CSMD1: variants seen among roughly 807,000 people sequenced by gnomAD.
CSMD1 encodes CUB and sushi domain-containing protein 1.
A neutral mutation model predicts 417.5 loss-of-function variants in CSMD1; 213 were observed. That is an observed-to-expected ratio of 0.51 (90% CI 0.46 to 0.57). The LOEUF (loss-of-function observed/expected upper bound fraction) is 0.57. CSMD1 is among the 20% of genes least tolerant of loss of function. CSMD1 has a pLI of 0.00. For missense variants in CSMD1, 6,923 were observed against 4,529.7 expected (o/e 1.53, Z -15.17); for synonymous variants, 2,862 against 1,736.8 (o/e 1.65, Z -16.11).
At chr8:4,556,494 G>A (rs556901652) in intron 2 of CSMD1, among the ~76,000 whole-genome samples, 3 of 152,196 alleles carry the variant, frequency 2.0e-5, no homozygotes, top group Admixed American at 1.3e-4. Context: ...AAAGTCTCGA[G>A]CAGCACCCCG....
In CSMD1 at chr8:3,997,754, C is replaced by G. The variant is rs151174355; in HGVS notation, c.818+149G>C. On this transcript the variant is annotated intron_variant, in intron 5 of 69. Transcript: ENST00000635120. Reference sequence around the variant, plus strand: ...TTGAAATTACTCACAGTAAAGGTAACTTTTCCAGAGCCAAAAGAGCAAGGC... The same window carrying G: ...TTGAAATTACTCACAGTAAAGGTAAGTTTTCCAGAGCCAAAAGAGCAAGGC... 4.0e-3 allele frequency: 2,743 copies of G among 687,250 alleles called. 11 individuals carry two copies. Among genetic ancestry groups the G allele is most frequent in the Middle Eastern group, 9.3e-3 (24 of 2,568 alleles). 42.6% of individuals were successfully genotyped at this position (687,250 alleles called of 1,614,324 possible).
Position 2,963,370 on chromosome 8 carries a change from C to G in CSMD1, c.9306G>C (p.Pro3102=), listed in dbSNP as rs762731393. The G allele has an allele frequency of 1.2e-6, 2 of 1,613,896 alleles. No individual in the cohort carries two copies. The highest frequency in any genetic ancestry group is 1.3e-5 in the African/African-American group (1 of 75,034). Reference sequence around the variant, plus strand: ...TTCCCTCCACTGTTCCATTCTGCACCGGCGGCGGCTGAGGACACAGCACGG... The same window carrying G: ...TTCCCTCCACTGTTCCATTCTGCACGGGCGGCGGCTGAGGACACAGCACGG... The part of the protein sequence containing the change: ...CKAVLCPQPP[P]VQNGTVEGSD... The change falls in exon 60 of 70, where the codon CCG becomes CCC. Residue 3102 remains proline (P), a synonymous_variant. Coordinates refer to ENST00000635120, the MANE Select transcript of CSMD1 (RefSeq NM_033225.6).
intron 18 of CSMD1, among the ~76,000 whole-genome samples, chr8:3,371,274 T>G (rs187742593): frequency 2.0e-4 from 30 of 152,280 alleles, no homozygotes; most frequent in African/African-American, 6.7e-4. Context: ...ATACATCCAC[T>G]TACTAGTTAG....
chr8:3,565,996 T>C (rs566782528), intron 10 of CSMD1, among the ~76,000 whole-genome samples: 77 of 152,188 alleles, frequency 5.1e-4, no homozygotes, highest in Non-Finnish European at 9.3e-4. Flanking sequence ...TATAATACAT[T>C]GACACCCCAT....
At chr8:4,002,335 G>C (rs1350903043) in intron 4 of CSMD1, among the ~76,000 whole-genome samples, 1 of 152,004 alleles carries the variant, frequency 6.6e-6, no homozygotes, top group Non-Finnish European at 1.5e-5. Context: ...TAATTTCTCC[G>C]CTATTTTTGT....
At chr8:3,717,400 ATT>A (rs1801901234) in intron 6 of CSMD1, among the ~76,000 whole-genome samples, 1 of 149,478 alleles carries the variant, frequency 6.7e-6, no homozygotes, top group Non-Finnish European at 1.5e-5. Flanking sequence ...CACAGTATTA[ATT>A]TTGTTTTTCT....
chr8:3,746,463 C>G (rs977935078), intron 6 of CSMD1, among the ~76,000 whole-genome samples: 6 of 152,178 alleles, frequency 3.9e-5, no homozygotes, highest in African/African-American at 1.4e-4. Context: ...TTATATATAA[C>G]AGTAAACGTT....
At chr8:4,222,818 C>A (rs984502877) in intron 3 of CSMD1, among the ~76,000 whole-genome samples, 3 of 151,974 alleles carry the variant, frequency 2.0e-5, no homozygotes, top group Non-Finnish European at 4.4e-5. Flanking sequence ...GAGGATTTTG[C>A]CAGACTAAGA....
intron 3 of CSMD1, among the ~76,000 whole-genome samples, chr8:4,190,061 A>C (rs566954446): frequency 6.6e-6 from 1 of 151,976 alleles, no homozygotes; most frequent in South Asian, 2.1e-4. Context: ...GATCGAGACC[A>C]TCCTGGCTAA....
intron 1 of CSMD1, among the ~76,000 whole-genome samples, chr8:4,776,796 G>C (rs893698842): frequency 6.6e-6 from 1 of 152,124 alleles, no homozygotes; most frequent in Non-Finnish European, 1.5e-5. Flanking sequence ...TATTATATTA[G>C]AGCCAGACGA....
rs1314247359 is a variant in CSMD1, at chr8:2,966,755, C to T, written c.8924-9G>A. 1.9e-6 allele frequency: 3 copies of T among 1,611,404 alleles called. No individual in the cohort carries two copies. The highest frequency in any genetic ancestry group is 2.5e-6 in the Non-Finnish European group (3 of 1,178,814). On this transcript the variant is annotated splice_polypyrimidine_tract_variant and intron_variant, in intron 57 of 69. Transcript: ENST00000635120. ...GTTGCCACAGGACACGGCTGTTAGGCAAACAAGAACACCACCACACACAGT... is the reference window on the plus strand; with the variant it reads ...GTTGCCACAGGACACGGCTGTTAGGTAAACAAGAACACCACCACACACAGT...
chr8:4,954,014 C>T (rs1298271709), intron 1 of CSMD1, among the ~76,000 whole-genome samples: 1 of 152,108 alleles, frequency 6.6e-6, no homozygotes, highest in East Asian at 1.9e-4. Flanking sequence ...GAAGACGTTA[C>T]CCTTCCCACC....
intron 5 of CSMD1, among the ~76,000 whole-genome samples, chr8:3,973,237 G>T (rs1219779069): frequency 6.6e-6 from 1 of 152,208 alleles, no homozygotes; most frequent in Non-Finnish European, 1.5e-5. Context: ...CTGTTCCCTG[G>T]CAGGTGGGAG....
chr8:2,936,225 G>A lies in CSMD1; in HGVS notation c.*2360C>T, dbSNP rs186736073. 1 of 151,960 alleles carries A rather than the reference G, an allele frequency of 6.6e-6. No homozygotes were observed. The highest frequency in any genetic ancestry group is 2.4e-5 in the African/African-American group (1 of 41,422). The allele number at this position is 151,960 out of a possible 1,614,324, so 9.4% of individuals were successfully genotyped here. ...TATCTAATTTGATATGTGGTTTCTT[G>A]TATGTATGTATGTCCTGTCATTTCA... On this transcript the variant is annotated 3_prime_UTR_variant, in exon 70 of 70. Transcript: ENST00000635120.
chr8:4,215,170 T>TA (rs1800566531), intron 3 of CSMD1, among the ~76,000 whole-genome samples: 1 of 152,162 alleles, frequency 6.6e-6, no homozygotes, highest in African/African-American at 2.4e-5. Flanking sequence ...CAGGGGCTGA[T>TA]AGGGACCTTG....
intron 23 of CSMD1, among the ~76,000 whole-genome samples, chr8:3,309,932 G>C (rs971211670): frequency 1.3e-5 from 2 of 152,054 alleles, no homozygotes; most frequent in African/African-American, 2.4e-5. Context: ...CTTCCATAAA[G>C]TTTCCTTCCA....
intron 2 of CSMD1, among the ~76,000 whole-genome samples, chr8:4,596,302 G>C (rs1800272143): frequency 6.6e-6 from 1 of 152,098 alleles, no homozygotes; most frequent in African/African-American, 2.4e-5. Flanking sequence ...CTTAACCCAA[G>C]CTTCAAGATT....
At chr8:3,995,639 G>T (rs112507609) in intron 5 of CSMD1, among the ~76,000 whole-genome samples, 68 of 152,282 alleles carry the variant, frequency 4.5e-4, no homozygotes, top group African/African-American at 1.5e-3. Flanking sequence ...CTTGTCCTCT[G>T]CATATCTCAG....
chr8:4,647,898 G>C (rs544500717), intron 1 of CSMD1, among the ~76,000 whole-genome samples: 11 of 152,260 alleles, frequency 7.2e-5, no homozygotes, highest in Admixed American at 2.0e-4. Flanking sequence ...TGTCTTTATA[G>C]TAGAACGATT....
Sources: gnomAD v4.1 joint callset for allele counts (sites outside exome capture counted in the v4.1 genomes callset) on GRCh38, gnomAD v4.1.1 for gene constraint, MANE v1.5 for transcripts, NCBI Gene and HGNC (gene_info 2026-07-23, HGNC 2026-07-21) for gene names.